Variants in UBASH3B observed in about 807,000 individuals in gnomAD.
UBASH3B encodes the protein ubiquitin-associated and SH3 domain-containing protein B.
Under a neutral mutation model 83.4 loss-of-function variants are expected in UBASH3B, and 37 were observed. That is an observed-to-expected ratio of 0.44 (90% CI 0.34 to 0.58). The LOEUF (loss-of-function observed/expected upper bound fraction) is 0.58. Ranked by LOEUF, UBASH3B falls within the 20% of genes least tolerant of loss-of-function variation. UBASH3B has a pLI of 0.01. For missense variants in UBASH3B, 657 were observed against 827.2 expected (o/e 0.79, Z 2.52); for synonymous variants, 304 against 318.3 (o/e 0.96, Z 0.48).
intron 1 of UBASH3B, among the ~76,000 whole-genome samples, chr11:122,749,618 A>G (rs139752980): frequency 6.6e-6 from 1 of 152,402 alleles, no homozygotes; most frequent in East Asian, 1.9e-4. Context: ...ACAAGGGAAC[A>G]TAATTCAAAT....
chr11:122,769,592 G>C (rs1463475685), intron 1 of UBASH3B, among the ~76,000 whole-genome samples: 1 of 152,222 alleles, frequency 6.6e-6, no homozygotes, highest in Non-Finnish European at 1.5e-5. Context: ...AGCAGCCTCA[G>C]AGCATCCTGT....
At chr11:122,686,801 A>G (rs1244115724) in intron 1 of UBASH3B, among the ~76,000 whole-genome samples, 1 of 152,126 alleles carries the variant, frequency 6.6e-6, no homozygotes, top group Non-Finnish European at 1.5e-5. Context: ...CCTATATGCC[A>G]GCTTATCTCA....
chr11:122,780,849 G>A (rs1860839831), intron 4 of UBASH3B, among the ~76,000 whole-genome samples: 1 of 152,224 alleles, frequency 6.6e-6, no homozygotes. Flanking sequence ...CAAAGCTGGA[G>A]GAGACGTACA....
intron 11 of UBASH3B, among the ~76,000 whole-genome samples, chr11:122,802,075 G>T (rs908182558): frequency 2.6e-5 from 4 of 152,162 alleles, no homozygotes; most frequent in Non-Finnish European, 5.9e-5. Flanking sequence ...CCAGCACTCT[G>T]GGAGGCCGAG....
At chr11:122,772,866 A>G (rs149177807) in intron 1 of UBASH3B, among the ~76,000 whole-genome samples, 280 of 152,290 alleles carry the variant, frequency 1.8e-3, no homozygotes, top group African/African-American at 6.6e-3. Context: ...ATATTCTGCT[A>G]TAAATGAGCC....
At chr11:122,801,164 T>A (rs1861251997) in intron 10 of UBASH3B, 24 bp from the exon 11 acceptor site, 9 of 1,610,426 alleles carry the variant, frequency 5.6e-6, no homozygotes, top group Non-Finnish European at 7.6e-6. Context: ...ACTTTCTTCA[T>A]CTTCACTGTA....
At chr11:122,799,835 C>T (rs969371077) in intron 10 of UBASH3B, among the ~76,000 whole-genome samples, 2 of 152,182 alleles carry the variant, frequency 1.3e-5, no homozygotes, top group African/African-American at 4.8e-5. Flanking sequence ...TCTCCATTCT[C>T]ATTTCATGGG....
rs949833192 is a variant in UBASH3B, at chr11:122,798,859, C to T, written c.1358-83C>T. On this transcript the variant is annotated intron_variant, in intron 9 of 13. Coordinates refer to ENST00000284273, the MANE Select transcript of UBASH3B (RefSeq NM_032873.5). The stretch of plus-strand genomic sequence containing the variant: ...GGAAAGAGGGGTTTACAGGAGCTTA[C>T]TGCTTGGCCCCCTCTCACACTGCGG... 102 of 1,070,628 alleles carry T rather than the reference C, an allele frequency of 9.5e-5. 1 individual carries two copies. The African/African-American group carries it at 1.1e-3, about 11-fold the overall frequency. 66.3% of individuals were successfully genotyped at this position (1,070,628 alleles called of 1,614,324 possible). A position where few individuals can be genotyped will look rare whatever the true frequency, so the allele number is the denominator to read the frequency against.
intron 1 of UBASH3B, among the ~76,000 whole-genome samples, chr11:122,673,650 C>A (rs1377541833): frequency 6.6e-6 from 1 of 152,182 alleles, no homozygotes; most frequent in Non-Finnish European, 1.5e-5. Context: ...CAGAGTGAGA[C>A]TCCGTCACTT....
intron 1 of UBASH3B, among the ~76,000 whole-genome samples, chr11:122,770,295 A>G (rs1002889530): frequency 6.6e-6 from 1 of 152,242 alleles, no homozygotes; most frequent in African/African-American, 2.4e-5. Flanking sequence ...TCATTCCGTT[A>G]TCCTACATCT....
In UBASH3B at chr11:122,801,191, TACA is replaced by T; in HGVS notation, c.1459_1461del (p.Gln487del). ...TTCACTGTATTTTACCCCTAAGGTT[TACA>T]ACAAGAAAATCACTTGAAGATCCGT... On this transcript the variant is annotated inframe_deletion, in exon 11 of 14. Transcript: ENST00000284273. 1 of 1,614,196 alleles carries T rather than the reference TACA, an allele frequency of 6.2e-7. No homozygotes were observed. Among genetic ancestry groups the T allele is most frequent in the South Asian group, 1.1e-5 (1 of 91,068 alleles).
At chr11:122,801,426 A>G in intron 11 of UBASH3B, 94 bp downstream of exon 11, 1 of 1,439,594 alleles carries the variant, frequency 6.9e-7, no homozygotes, top group Non-Finnish European at 9.4e-7. Context: ...AGGGCTGGAC[A>G]TCACCTACAG....
chr11:122,803,888 G>A (rs1304180512), intron 11 of UBASH3B, among the ~76,000 whole-genome samples: 1 of 152,058 alleles, frequency 6.6e-6, no homozygotes, highest in East Asian at 1.9e-4. Flanking sequence ...GGACAGTACA[G>A]GGCCTGCAGG....
intron 1 of UBASH3B, among the ~76,000 whole-genome samples, chr11:122,681,905 C>T (rs1197760044): frequency 6.6e-6 from 1 of 152,152 alleles, no homozygotes; most frequent in Non-Finnish European, 1.5e-5. Flanking sequence ...GTCTGCGATC[C>T]ACGATGCTCT....
chr11:122,779,519 C>T lies in UBASH3B; in HGVS notation c.425C>T (p.Ala142Val). Reference sequence around the variant, plus strand: ...CAGTGCGAGGACAGCAAGGTGGATGCCCTGGGGGAAGCCCTGCAGACCACG... The same window carrying T: ...CAGTGCGAGGACAGCAAGGTGGATGTCCTGGGGGAAGCCCTGCAGACCACG... ...FFMCEDSKVD[A>V]LGEALQTTVS... The change falls in exon 4 of 14, where the codon GCC (alanine) becomes GTC (valine). Residue 142 changes from alanine (A) to valine (V), a missense_variant. By Grantham distance (64) the Ala-to-Val change is moderately conservative. This residue lies in a region of UBASH3B where 573 missense variants were observed against 739.0 expected (regional missense o/e 0.78). Transcript: ENST00000284273. 1.2e-6 allele frequency: 2 copies of T among 1,614,024 alleles called. No individual in the cohort carries two copies. Among genetic ancestry groups the T allele is most frequent in the Non-Finnish European group, 1.7e-6 (2 of 1,179,980 alleles).
intron 1 of UBASH3B, among the ~76,000 whole-genome samples, chr11:122,751,175 T>A (rs1166103268): frequency 6.6e-6 from 1 of 152,214 alleles, no homozygotes; most frequent in African/African-American, 2.4e-5. Flanking sequence ...AAGAGCTTTT[T>A]AAGTTACACC....
intron 1 of UBASH3B, among the ~76,000 whole-genome samples, chr11:122,684,158 C>T (rs1416308526): frequency 6.6e-6 from 1 of 152,182 alleles, no homozygotes; most frequent in Non-Finnish European, 1.5e-5. Flanking sequence ...TCCTATTATG[C>T]ACATTTACAA....
At chr11:122,667,216 T>C (rs1248384530) in intron 1 of UBASH3B, among the ~76,000 whole-genome samples, 1 of 151,858 alleles carries the variant, frequency 6.6e-6, no homozygotes, top group Non-Finnish European at 1.5e-5. Context: ...CTGGCTAATT[T>C]TTGTATTTGT....
At chr11:122,720,487 G>A (rs1271159448) in intron 1 of UBASH3B, among the ~76,000 whole-genome samples, 1 of 152,174 alleles carries the variant, frequency 6.6e-6, no homozygotes, top group African/African-American at 2.4e-5. Context: ...AAGGCAGATG[G>A]AATCACTCCA....
Sources: allele counts gnomAD v4.1 joint callset (sites outside exome capture counted in the v4.1 genomes callset), GRCh38; gene constraint gnomAD v4.1.1; regional missense constraint gnomAD v4.1.1; transcripts MANE v1.5; gene names NCBI Gene and HGNC (gene_info 2026-07-23, HGNC 2026-07-21).